The following FARS2 variants were observed in gnomAD, a reference collection of about 807,000 sequenced individuals.
The protein encoded by FARS2 is phenylalanyl-tRNA synthetase 2, mitochondrial.
FARS2 carries 40 observed loss-of-function variants against 46.4 expected under a neutral mutation model. That is an observed-to-expected ratio of 0.86 (90% CI 0.67 to 1.12). The LOEUF (loss-of-function observed/expected upper bound fraction) is 1.12. FARS2 is among the 50% of genes most tolerant of loss of function. The pLI, the probability that FARS2 is intolerant of heterozygous loss-of-function variation, is 0.00. For synonymous variants in FARS2, 234 were observed against 214.9 expected (o/e 1.09, Z -0.78); for missense variants, 513 against 567.9 (o/e 0.90, Z 0.98).
At chr6:5,406,420 G>C (rs1042671458) in intron 3 of FARS2, among the ~76,000 whole-genome samples, 9 of 152,134 alleles carry the variant, frequency 5.9e-5, no homozygotes, top group African/African-American at 2.4e-5. Flanking sequence ...CTGCTCACTG[G>C]CAATCCTTCC....
intron 4 of FARS2, among the ~76,000 whole-genome samples, chr6:5,487,588 G>A (rs150218776): frequency 9.9e-5 from 15 of 152,256 alleles, no homozygotes; most frequent in South Asian, 4.1e-4. Context: ...GCCTGAAGTC[G>A]CACGTTTCAG....
At chr6:5,642,913 C>G (rs1483198105) in intron 6 of FARS2, among the ~76,000 whole-genome samples, 2 of 152,206 alleles carry the variant, frequency 1.3e-5, no homozygotes, top group African/African-American at 4.8e-5. Context: ...CCTGATACCC[C>G]AGTCCCCTGC....
intron 2 of FARS2, among the ~76,000 whole-genome samples, chr6:5,393,783 G>A (rs74967539): frequency 0.027 from 4,158 of 152,350 alleles, 90 homozygotes; most frequent in Non-Finnish European, 0.042. Flanking sequence ...TTGACCGTGG[G>A]TATTAGAGCT....
intron 6 of FARS2, among the ~76,000 whole-genome samples, chr6:5,652,511 G>C (rs1184575926): frequency 2.6e-5 from 4 of 152,168 alleles, no homozygotes; most frequent in Non-Finnish European, 5.9e-5. Context: ...TCTTTCAAAG[G>C]ACAAGTTCCC....
intron 2 of FARS2, among the ~76,000 whole-genome samples, chr6:5,373,711 A>C (rs1029556292): frequency 1.3e-5 from 2 of 152,124 alleles, no homozygotes; most frequent in South Asian, 2.1e-4. Context: ...CAGTCTATGC[A>C]GTAGCAGTAG....
intron 1 of FARS2, among the ~76,000 whole-genome samples, chr6:5,363,693 C>T (rs1029248579): frequency 6.6e-6 from 1 of 152,264 alleles, no homozygotes; most frequent in East Asian, 1.9e-4. Flanking sequence ...GTCCAGGAAA[C>T]AGGCCCGTTT....
At chr6:5,271,654 C>T (rs1334483818) in intron 1 of FARS2, among the ~76,000 whole-genome samples, 5 of 150,254 alleles carry the variant, frequency 3.3e-5, no homozygotes, top group Non-Finnish European at 7.4e-5. Context: ...CCTCCGCCTC[C>T]GGGGTTCAAG....
chr6:5,419,325 G>C (rs1031701336), intron 3 of FARS2, among the ~76,000 whole-genome samples: 1 of 152,252 alleles, frequency 6.6e-6, no homozygotes, highest in Non-Finnish European at 1.5e-5. Flanking sequence ...TTATTTTAAA[G>C]TCTCAGATTG....
intron 1 of FARS2, among the ~76,000 whole-genome samples, chr6:5,305,155 G>A (rs1185215102): frequency 1.3e-5 from 2 of 152,192 alleles, no homozygotes; most frequent in Non-Finnish European, 2.9e-5. Context: ...GAAAGATACT[G>A]TGATTAATTA....
At chr6:5,608,736 C>G (rs1011208598) in intron 5 of FARS2, among the ~76,000 whole-genome samples, 4 of 152,074 alleles carry the variant, frequency 2.6e-5, no homozygotes, top group African/African-American at 7.2e-5. Context: ...TTCACCTACA[C>G]CAAGGTTTCT....
At chr6:5,579,578 A>G (rs542475692) in intron 5 of FARS2, among the ~76,000 whole-genome samples, 1 of 152,274 alleles carries the variant, frequency 6.6e-6, no homozygotes, top group Non-Finnish European at 1.5e-5. Context: ...CCAGACTATT[A>G]TGAGGTTTTA....
rs370529762 is a variant in FARS2, at chr6:5,626,102, A to T, written c.1217+12782A>T. 6.2e-4 allele frequency among the ~76,000 whole-genome samples: 95 copies of T among 152,234 alleles called. 2 individuals carry two copies. The South Asian group carries it at 0.02, about 31-fold the overall frequency. On this transcript the variant is annotated intron_variant, in intron 6 of 6. Coordinates refer to ENST00000274680, the MANE Select transcript of FARS2 (RefSeq NM_006567.5). ...GTCTAGTAAGGAAAAAGCAAGGTAG[A>T]ATGTTCCATGACATTTACAGGAAGA...
intron 1 of FARS2, among the ~76,000 whole-genome samples, chr6:5,288,973 G>A (rs2326584): frequency 0.79 from 119,676 of 152,138 alleles, 47,932 homozygotes; most frequent in African/African-American, 0.94. Context: ...AAGATATTCA[G>A]CTCTCAACAT....
At chr6:5,622,534 C>G (rs1334672765) in intron 6 of FARS2, among the ~76,000 whole-genome samples, 1 of 152,158 alleles carries the variant, frequency 6.6e-6, no homozygotes, top group Non-Finnish European at 1.5e-5. Flanking sequence ...AGGGCTCTGC[C>G]CTCATGAATG....
At chr6:5,414,172 G>A (rs1363738773) in intron 3 of FARS2, among the ~76,000 whole-genome samples, 1 of 152,184 alleles carries the variant, frequency 6.6e-6, no homozygotes, top group Non-Finnish European at 1.5e-5. Flanking sequence ...TTCTGTTGAG[G>A]TCACGATTGA....
chr6:5,443,582 G>A (rs200199), intron 4 of FARS2, among the ~76,000 whole-genome samples: 132,715 of 152,212 alleles, frequency 0.87, 58,005 homozygotes, highest in East Asian at 0.96. Context: ...AACATGCCCT[G>A]TGTAGCTTGC....
chr6:5,748,986 C>T (rs539953595), intron 6 of FARS2, among the ~76,000 whole-genome samples: 4 of 152,298 alleles, frequency 2.6e-5, no homozygotes, highest in East Asian at 1.9e-4. Flanking sequence ...TATGATGAAA[C>T]GAGAGGCTAT....
At chr6:5,641,635 A>G (rs1453470807) in intron 6 of FARS2, among the ~76,000 whole-genome samples, 1 of 152,202 alleles carries the variant, frequency 6.6e-6, no homozygotes, top group Non-Finnish European at 1.5e-5. Context: ...CCTAGGCTGC[A>G]TTCACTGGAT....
At chr6:5,748,995 A>G (rs72821916) in intron 6 of FARS2, among the ~76,000 whole-genome samples, 4,732 of 152,324 alleles carry the variant, frequency 0.031, 80 homozygotes, top group Non-Finnish European at 0.042. Flanking sequence ...ACGAGAGGCT[A>G]TGGCTTGGTT....
Sources: gnomAD v4.1 joint callset for allele counts (sites outside exome capture counted in the v4.1 genomes callset) on GRCh38, gnomAD v4.1.1 for gene constraint, MANE v1.5 for transcripts, NCBI Gene and HGNC (gene_info 2026-07-23, HGNC 2026-07-21) for gene names.